Variants in MAX observed in about 807,000 individuals in gnomAD.
MAX encodes the protein MYC associated transcriptional regulator X, also known as protein max.
MAX carries 3 observed loss-of-function variants against 22.3 expected under a neutral mutation model. The ratio of observed to expected loss-of-function variants is 0.13; its 90% CI spans 0.06 to 0.35. The LOEUF is 0.35. MAX is among the 10% of genes least tolerant of loss of function. The pLI is 1.00. For missense variants in MAX, 119 were observed against 209.4 expected (o/e 0.57, Z 2.66); for synonymous variants, 72 against 77.7 (o/e 0.93, Z 0.39).
chr14:65,039,146 A>G (rs891298180), intron 3 of MAX, among the ~76,000 whole-genome samples: 1 of 152,158 alleles, frequency 6.6e-6, no homozygotes, highest in Non-Finnish European at 1.5e-5. Context: ...GCTCTGCGAG[A>G]GTGGGCAGGA....
chr14:65,032,489 G>C lies in MAX; in HGVS notation c.172-26205C>G. 1 of 1,006,340 alleles carries C rather than the reference G, an allele frequency of 9.9e-7. No individual in the cohort carries two copies. The highest frequency in any genetic ancestry group is 1.4e-6 in the Non-Finnish European group (1 of 709,384). 62.3% of individuals were successfully genotyped at this position (1,006,340 alleles called of 1,614,324 possible). A position where few individuals can be genotyped will look rare whatever the true frequency, so the allele number is the denominator to read the frequency against. On this transcript the variant is annotated intron_variant, in intron 3 of 3. Transcript: ENST00000341653. The surrounding 1 kb of genome is among the most constrained non-coding windows in gnomAD (Gnocchi z 5.0). ...CCCAGGAGGACTGACCGTGTGCCAA[G>C]AGTGAGGACAGGAGGTGATTACAGC...
Position 65,093,043 on chromosome 14 carries a change from C to T in MAX, c.171+665G>A, listed in dbSNP as rs764150558. 6.6e-6 allele frequency among the ~76,000 whole-genome samples: 1 copy of T among 152,176 alleles called. No individual in the cohort carries two copies. Among genetic ancestry groups the T allele is most frequent in the Non-Finnish European group, 1.5e-5 (1 of 68,018 alleles). On this transcript the variant is annotated intron_variant, in intron 3 of 4. Transcript: ENST00000358664. The surrounding 1 kb of genome is among the most constrained non-coding windows in gnomAD (Gnocchi z 4.4). ...CTAACCCATAGGCTTTTACTCAAAG[C>T]TTCTAATTTTGTTTTTCAAATGTAG...
chr14:65,041,103 C>T (rs1406074263), intron 3 of MAX, among the ~76,000 whole-genome samples: 1 of 152,148 alleles, frequency 6.6e-6, no homozygotes, highest in Non-Finnish European at 1.5e-5. Context: ...TTTCTGTCTT[C>T]CTGCTTAGAG....
intron 3 of MAX, among the ~76,000 whole-genome samples, chr14:65,064,570 GCCTT>G (rs979885867): frequency 7.2e-5 from 11 of 152,188 alleles, no homozygotes; most frequent in African/African-American, 2.7e-4. Flanking sequence ...TTCCACCCCA[GCCTT>G]CCTTCCAGCG....
At chr14:65,026,432 A>G (rs558610142) in intron 3 of MAX, among the ~76,000 whole-genome samples, 15 of 152,330 alleles carry the variant, frequency 9.8e-5, no homozygotes, top group African/African-American at 3.6e-4. Flanking sequence ...AGAATTCTCC[A>G]AGAACCCGCA....
In MAX at chr14:65,100,265, C is replaced by T. The variant is rs140931677; in HGVS notation, c.63+1281G>A. ...AAGAGATCGAGACCAGCCTGGCCAACATGGTGAAACCCCGTCTCTACTAAA... is the reference window on the plus strand; with the variant it reads ...AAGAGATCGAGACCAGCCTGGCCAATATGGTGAAACCCCGTCTCTACTAAA... On this transcript the variant is annotated intron_variant, in intron 2 of 4. Transcript: ENST00000358664. 6.9e-3 allele frequency among the ~76,000 whole-genome samples: 1,054 copies of T among 152,178 alleles called. 14 individuals carry two copies. The highest frequency in any genetic ancestry group is 0.024 in the African/African-American group (984 of 41,532).
chr14:65,092,049 A>T (rs1329846828), intron 3 of MAX, among the ~76,000 whole-genome samples: 2 of 152,232 alleles, frequency 1.3e-5, no homozygotes, highest in Non-Finnish European at 2.9e-5. Flanking sequence ...AGAAAGGAGA[A>T]AATAGGATTT....
At chr14:65,006,156 C>CTTTTT (rs367570902), downstream of MAX, 5 of 1,501,218 alleles carry the variant, frequency 3.3e-6, no homozygotes, top group African/African-American at 1.5e-5. Context: ...ACCTTTGTGT[C>CTTTTT]TTTTTTTTTT....
Position 65,088,330 on chromosome 14 carries a change from C to T in MAX, c.171+5378G>A, listed in dbSNP as rs1376941795. ...AAAAGCCCTTGGAGGTTTTCAGCAG[C>T]ATGCAAATAATTTATAAGAAATTAA... On this transcript the variant is annotated intron_variant, in intron 3 of 4. Transcript: ENST00000358664. The surrounding 1 kb of genome is among the most constrained non-coding windows in gnomAD (Gnocchi z 5.2). Among the ~76,000 whole-genome samples the T allele has an allele frequency of 1.3e-5, 2 of 152,142 alleles. No homozygotes were observed. Among genetic ancestry groups the T allele is most frequent in the Non-Finnish European group, 2.9e-5 (2 of 68,024 alleles).
intron 3 of MAX, among the ~76,000 whole-genome samples, chr14:65,052,988 C>T (rs532345742): frequency 6.6e-5 from 10 of 152,278 alleles, no homozygotes; most frequent in Non-Finnish European, 7.4e-5. Context: ...TCACCATCCA[C>T]GTTAACAGGG....
chr14:65,063,053 C>T (rs1157165814), intron 3 of MAX, among the ~76,000 whole-genome samples: 1 of 152,228 alleles, frequency 6.6e-6, no homozygotes, highest in Non-Finnish European at 1.5e-5. Flanking sequence ...GGCCACTTGG[C>T]TTTCCCTTCC....
Position 65,061,395 on chromosome 14 carries a change from G to C in MAX, c.171+32313C>G, listed in dbSNP as rs146484961. 5 of 1,574,272 alleles carry C rather than the reference G, an allele frequency of 3.2e-6. No individual in the cohort carries two copies. In the East Asian group the frequency reaches 1.1e-4, roughly 36 times the overall value. The stretch of plus-strand genomic sequence containing the variant: ...TACGTTTCAATACATACTGCATTCT[G>C]TGCTACACAAGCCTTAGCCTCAGTG... On this transcript the variant is annotated intron_variant, in intron 3 of 3. Transcript: ENST00000341653.
Position 65,053,443 on chromosome 14 carries a change from A to C in MAX, c.171+40265T>G, listed in dbSNP as rs150885976. On this transcript the variant is annotated intron_variant, in intron 3 of 3. Transcript: ENST00000341653. Reference sequence around the variant, plus strand: ...CTACTCAGAGCCAGATCTCAAGAGCAGAGGTGTCACCTTCAGCACCTGCAT... The same window carrying C: ...CTACTCAGAGCCAGATCTCAAGAGCCGAGGTGTCACCTTCAGCACCTGCAT... The C allele has an allele frequency of 3.6e-5, 40 of 1,102,748 alleles. 1 individual carries two copies. In the African/African-American group the frequency reaches 5.0e-4, roughly 14 times the overall value. The allele number at this position is 1,102,748 out of a possible 1,614,324, so 68.3% of individuals were successfully genotyped here.
chr14:65,050,602 C>CA (rs2062585294), intron 3 of MAX, among the ~76,000 whole-genome samples: 1 of 152,158 alleles, frequency 6.6e-6, no homozygotes, highest in African/African-American at 2.4e-5. Flanking sequence ...ACAACAACAA[C>CA]AAAAAGGTGC....
At chr14:65,049,650 T>A (rs566185722) in intron 3 of MAX, among the ~76,000 whole-genome samples, 3 of 152,348 alleles carry the variant, frequency 2.0e-5, no homozygotes, top group African/African-American at 7.2e-5. Flanking sequence ...CGTTTTCTTT[T>A]CAGACTCTAA....
At chr14:65,020,824 C>T (rs528210067) in intron 3 of MAX, among the ~76,000 whole-genome samples, 189 of 150,782 alleles carry the variant, frequency 1.3e-3, no homozygotes, top group African/African-American at 4.5e-3. Flanking sequence ...CTCCACCTCC[C>T]GGGTTCAAGT....
In MAX at chr14:65,009,392, T is replaced by A. The variant is rs2061650552; in HGVS notation, c.172-3108A>T. ...ATCCTTTTATTCGTCTCATGTAGAT[T>A]CCCTAACACACCCACCACCGTGGCC... On this transcript the variant is annotated intron_variant, in intron 3 of 3. Coordinates refer to the MAX transcript ENST00000341653. This position sits in a 1 kb window ranked among gnomAD's most constrained non-coding sequence, Gnocchi z 4.2. Among the ~76,000 whole-genome samples, 5 of 152,094 alleles carry A rather than the reference T, an allele frequency of 3.3e-5. No homozygotes were observed. The highest frequency in any genetic ancestry group is 3.3e-4 in the Admixed American group (5 of 15,258).
At position 65,069,301 on chromosome 14, in the gene MAX, T is replaced by C. The variant is rs992487301; in HGVS notation, c.171+24407A>G. Among the ~76,000 whole-genome samples, 7 of 151,938 alleles carry C rather than the reference T, an allele frequency of 4.6e-5. No homozygotes were observed. The highest frequency in any genetic ancestry group is 1.7e-4 in the African/African-American group (7 of 41,370). On this transcript the variant is annotated intron_variant, in intron 3 of 3. Coordinates refer to the MAX transcript ENST00000341653. The surrounding 1 kb of genome is among the most constrained non-coding windows in gnomAD (Gnocchi z 4.6). Reference sequence around the variant, plus strand: ...AGATGGGGAGCCCAAGGCTGGGCTCTTGTGGGCAGGACAGAAGGAGAGCCC... The same window carrying C: ...AGATGGGGAGCCCAAGGCTGGGCTCCTGTGGGCAGGACAGAAGGAGAGCCC...
In MAX at chr14:65,078,659, A is replaced by G. The variant is rs2063127914; in HGVS notation, c.172-623T>C. ...ATTCTTCTGCCTCAGCCTCCAGAGT[A>G]GCTGGGATTACAAGTACATGCCACG... On this transcript the variant is annotated intron_variant, in intron 3 of 4. Coordinates refer to ENST00000358664, the MANE Select transcript of MAX (RefSeq NM_002382.5). This position sits in a 1 kb window ranked among gnomAD's most constrained non-coding sequence, Gnocchi z 6.4. Among the ~76,000 whole-genome samples, 1 of 151,992 alleles carries G rather than the reference A, an allele frequency of 6.6e-6. No homozygotes were observed. The highest frequency in any genetic ancestry group is 2.4e-5 in the African/African-American group (1 of 41,382).
Sources: allele counts gnomAD v4.1 joint callset (sites outside exome capture counted in the v4.1 genomes callset), GRCh38; gene constraint gnomAD v4.1.1; non-coding constraint Gnocchi (gnomAD v3.1); transcripts MANE v1.5; gene names NCBI Gene and HGNC (gene_info 2026-07-23, HGNC 2026-07-21).